The following PSD3 variants were observed in gnomAD, a reference collection of about 807,000 sequenced individuals.
PSD3 encodes pleckstrin and Sec7 domain containing 3, also known as PH and SEC7 domain-containing protein 3.
In PSD3, 49 loss-of-function variants were observed where a neutral mutation model predicts 105.5. The observed-to-expected ratio is 0.46, with a 90% CI of 0.37 to 0.59. The LOEUF is 0.59. PSD3 is among the 20% of genes least tolerant of loss of function. The pLI is 0.00. For missense variants in PSD3, 1,561 were observed against 1,263.8 expected (o/e 1.24, Z -3.57); for synonymous variants, 557 against 457.8 (o/e 1.22, Z -2.77).
At chr8:19,057,820 T>C (rs977724744) in intron 1 of PSD3, among the ~76,000 whole-genome samples, 5 of 152,158 alleles carry the variant, frequency 3.3e-5, no homozygotes, top group African/African-American at 1.2e-4. Context: ...AGAAACTAGC[T>C]CTCGCATACA....
chr8:18,727,920 C>A (rs544021324), intron 9 of PSD3, among the ~76,000 whole-genome samples: 25 of 152,174 alleles, frequency 1.6e-4, no homozygotes, highest in African/African-American at 5.3e-4. Flanking sequence ...ATATTTAACC[C>A]ATTTTTATCC....
At chr8:18,999,618 G>T (rs1432869605) in intron 1 of PSD3, among the ~76,000 whole-genome samples, 2 of 151,696 alleles carry the variant, frequency 1.3e-5, no homozygotes, top group Non-Finnish European at 2.9e-5. Context: ...GGCCACAAGA[G>T]AATTCTACTG....
chr8:19,078,233 G>A (rs4921992), intron 1 of PSD3, among the ~76,000 whole-genome samples: 141,763 of 152,112 alleles, frequency 0.93, 66,959 homozygotes, highest in East Asian at 1. Flanking sequence ...AATTTTTACC[G>A]TATCATAACC....
In PSD3 at chr8:19,067,926, C is replaced by T. The variant is rs140731926; in HGVS notation, c.324+16280G>A. On this transcript the variant is annotated intron_variant, in intron 1 of 1. Coordinates refer to the PSD3 transcript ENST00000521475. ...CAGCTATCTGCCTTTAAATTTCCAA[C>T]GTGGGACCCTTGTGGGTACGAAGGA... 1.3e-3 allele frequency among the ~76,000 whole-genome samples: 193 copies of T among 152,290 alleles called. 1 individual carries two copies. Among genetic ancestry groups the T allele is most frequent in the Admixed American group, 5.7e-3 (87 of 15,302 alleles).
chr8:18,593,785 T>A (rs1265129812), intron 12 of PSD3, among the ~76,000 whole-genome samples: 1 of 151,796 alleles, frequency 6.6e-6, no homozygotes, highest in Non-Finnish European at 1.5e-5. Context: ...CATGGAACAC[T>A]ATGCAGCCCT....
At chr8:19,055,415 A>G (rs1828675985) in intron 1 of PSD3, among the ~76,000 whole-genome samples, 1 of 152,082 alleles carries the variant, frequency 6.6e-6, no homozygotes, top group Non-Finnish European at 1.5e-5. Context: ...CACGACGCTC[A>G]GCTAATTGTG....
chr8:18,755,673 T>A (rs1805976835), intron 9 of PSD3, among the ~76,000 whole-genome samples: 3 of 152,030 alleles, frequency 2.0e-5, no homozygotes. Context: ...TCCTTTTTTC[T>A]TTTTTTGGGG....
intron 2 of PSD3, among the ~76,000 whole-genome samples, chr8:18,935,665 C>T (rs767686641): frequency 1.4e-5 from 2 of 147,616 alleles, no homozygotes; most frequent in Non-Finnish European, 3.0e-5. Context: ...CACTGCATGC[C>T]AGCTTGGATG....
intron 9 of PSD3, among the ~76,000 whole-genome samples, chr8:18,732,518 G>A (rs994199961): frequency 6.6e-6 from 1 of 152,222 alleles, no homozygotes; most frequent in Non-Finnish European, 1.5e-5. Context: ...TGGGGCTGGA[G>A]GATCCAAGAT....
chr8:18,997,338 G>C (rs1256838729), intron 1 of PSD3, among the ~76,000 whole-genome samples: 1 of 151,728 alleles, frequency 6.6e-6, no homozygotes, highest in South Asian at 2.1e-4. Flanking sequence ...AGTCACCCAT[G>C]CTTTCTCCCA....
At chr8:18,560,644 T>C (rs933876681) in intron 14 of PSD3, among the ~76,000 whole-genome samples, 25 of 152,142 alleles carry the variant, frequency 1.6e-4, no homozygotes, top group African/African-American at 5.8e-4. Context: ...TCATAATATA[T>C]ACAACAACAT....
At chr8:19,017,554 G>T (rs534268260), upstream of PSD3, among the ~76,000 whole-genome samples, 9 of 152,010 alleles carry the variant, frequency 5.9e-5, no homozygotes, top group Non-Finnish European at 1.5e-5. Context: ...ATTGGCGGTC[G>T]CTCCTCTTTT....
In PSD3 at chr8:18,702,619, C is replaced by CT. The variant is rs1379630861; in HGVS notation, c.2173-46935dup. ...AGCTATAGGTACTCTTTCTTTCTTTCTTTCTTTTTTTGAGATGGAATCTCG... is the reference window on the plus strand; with the variant it reads ...AGCTATAGGTACTCTTTCTTTCTTTCTTTTCTTTTTTTGAGATGGAATCTCG... On this transcript the variant is annotated intron_variant, in intron 9 of 15. Coordinates refer to ENST00000327040, the MANE Select transcript of PSD3 (RefSeq NM_015310.4). 5.3e-4 allele frequency among the ~76,000 whole-genome samples: 80 copies of CT among 149,670 alleles called. 1 individual carries two copies. The highest frequency in any genetic ancestry group is 1.6e-3 in the East Asian group (8 of 5,092).
chr8:18,689,534 G>A (rs977407300), intron 9 of PSD3, among the ~76,000 whole-genome samples: 1 of 152,174 alleles, frequency 6.6e-6, no homozygotes, highest in African/African-American at 2.4e-5. Context: ...ACTGGGGAGG[G>A]AAGAGAGGCA....
chr8:18,559,341 T>G (rs902058071), intron 14 of PSD3, among the ~76,000 whole-genome samples: 5 of 152,236 alleles, frequency 3.3e-5, no homozygotes, highest in African/African-American at 1.2e-4. Flanking sequence ...CCACTGTGAT[T>G]TGAATTTATA....
intron 9 of PSD3, among the ~76,000 whole-genome samples, chr8:18,725,258 A>C (rs550399250): frequency 3.5e-4 from 54 of 152,286 alleles, no homozygotes; most frequent in South Asian, 2.5e-3. Flanking sequence ...AGAAAATAGT[A>C]ATCTTTCTCT....
At chr8:18,588,627 C>A (rs575997475) in intron 12 of PSD3, among the ~76,000 whole-genome samples, 1 of 152,170 alleles carries the variant, frequency 6.6e-6, no homozygotes, top group Non-Finnish European at 1.5e-5. Context: ...CAATTTCACC[C>A]AACTTTGCCC....
At chr8:18,962,868 G>A (rs985979528) in intron 1 of PSD3, among the ~76,000 whole-genome samples, 2 of 152,198 alleles carry the variant, frequency 1.3e-5, no homozygotes, top group African/African-American at 4.8e-5. Flanking sequence ...GACACAGAAA[G>A]GTTAAAGGTC....
intron 1 of PSD3, among the ~76,000 whole-genome samples, chr8:19,060,640 C>A (rs2129477523): frequency 6.6e-6 from 1 of 152,276 alleles, no homozygotes; most frequent in Non-Finnish European, 1.5e-5. Context: ...TCTCAAACAA[C>A]AACAACAACA....
Sources: gnomAD v4.1 joint callset for allele counts (sites outside exome capture counted in the v4.1 genomes callset) on GRCh38, gnomAD v4.1.1 for gene constraint, MANE v1.5 for transcripts, NCBI Gene and HGNC (gene_info 2026-07-23, HGNC 2026-07-21) for gene names.